Variants in SLC12A7 observed in about 807,000 individuals in gnomAD.
The protein encoded by SLC12A7 is K-Cl cotransporter 4.
In SLC12A7, 100 loss-of-function variants were observed where a neutral mutation model predicts 120.6. The observed-to-expected ratio is 0.83, with a 90% CI of 0.71 to 0.98. SLC12A7 has a LOEUF of 0.98. Ranked by LOEUF, SLC12A7 falls within the 50% of genes least tolerant of loss-of-function variation. The pLI is 0.00. For synonymous variants in SLC12A7, 760 were observed against 678.0 expected (o/e 1.12, Z -1.88); for missense variants, 1,373 against 1,548.1 (o/e 0.89, Z 1.90).
At chr5:1,054,809 T>C (rs988115080) in intron 22 of SLC12A7, among the ~76,000 whole-genome samples, 2 of 152,232 alleles carry the variant, frequency 1.3e-5, no homozygotes, top group Non-Finnish European at 2.9e-5. Flanking sequence ...GGGAGAGACC[T>C]TCTATCTTCT....
At chr5:1,079,637 G>A (rs1359954533) in intron 9 of SLC12A7, 141 bp from the exon 10 acceptor site, 14 of 682,086 alleles carry the variant, frequency 2.1e-5, no homozygotes, top group Admixed American at 1.7e-4. Flanking sequence ...TCCAAGCTCC[G>A]CCAGCCCACG....
chr5:1,094,073 T>C, intron 2 of SLC12A7, 81 bp downstream of exon 2: 1 of 1,156,216 alleles, frequency 8.6e-7, no homozygotes, highest in Non-Finnish European at 1.3e-6. Context: ...GGCCCCGGCC[T>C]GGGGGCCCCC....
At chr5:1,117,395 A>T in the SLC12A7 span, among the ~76,000 whole-genome samples, 1 of 152,190 alleles carries the variant, frequency 6.6e-6, no homozygotes, top group Non-Finnish European at 1.5e-5. The surrounding 1 kb of genome is among the most constrained non-coding windows in gnomAD (Gnocchi z 4.5). Context: ...CGTAGGCTGA[A>T]CTAACTTTGG....
chr5:1,123,622 G>A, the SLC12A7 span, among the ~76,000 whole-genome samples: 7 of 152,264 alleles, frequency 4.6e-5, no homozygotes, highest in African/African-American at 1.7e-4. Context: ...ACAGAAGTGG[G>A]CGTTCCCCGC....
the SLC12A7 span, among the ~76,000 whole-genome samples, chr5:1,136,102 G>A: frequency 1.3e-5 from 2 of 152,176 alleles, no homozygotes; most frequent in Non-Finnish European, 2.9e-5. Context: ...AGGTTCAGAG[G>A]CCATGGAAGA....
At chr5:1,138,257 C>T in the SLC12A7 span, among the ~76,000 whole-genome samples, 1 of 152,160 alleles carries the variant, frequency 6.6e-6, no homozygotes, top group South Asian at 2.1e-4. Context: ...CCACTGCCGG[C>T]GGGGTGGGGC....
chr5:1,073,618 C>T lies in SLC12A7; in HGVS notation c.2241+15G>A, dbSNP rs1579355393. The T allele has an allele frequency of 1.3e-6, 2 of 1,594,458 alleles. No homozygotes were observed. Among genetic ancestry groups the T allele is most frequent in the Non-Finnish European group, 1.7e-6 (2 of 1,172,568 alleles). Reference sequence around the variant, plus strand: ...GTGGGAAAGAGGCCTGGCCCCCAGACCCCGCCCGGCCCACCTCCTCGGCCC... The same window carrying T: ...GTGGGAAAGAGGCCTGGCCCCCAGATCCCGCCCGGCCCACCTCCTCGGCCC... On this transcript the variant is annotated intron_variant, in intron 17 of 23. Transcript: ENST00000264930.
In SLC12A7 at chr5:1,082,052, G is replaced by A. The variant is rs372190762; in HGVS notation, c.1130-308C>T. ...TCCAGGCTTCCCGTCTCGGGTTCTG[G>A]AAAGCCTGGGCTTCCCATCTTGGGT... On this transcript the variant is annotated intron_variant, in intron 8 of 23. Coordinates refer to ENST00000264930, the MANE Select transcript of SLC12A7 (RefSeq NM_006598.3). 1.4e-3 allele frequency among the ~76,000 whole-genome samples: 88 copies of A among 64,508 alleles called. 2 individuals are homozygous for A. Among genetic ancestry groups the A allele is most frequent in the African/African-American group, 7.3e-3 (85 of 11,630 alleles). 42.3% of individuals were successfully genotyped at this position (64,508 alleles called of 152,430 possible).
At chr5:1,055,712 GTGTGCC>G (rs1430943692) in intron 22 of SLC12A7, among the ~76,000 whole-genome samples, 1 of 152,234 alleles carries the variant, frequency 6.6e-6, no homozygotes, top group Non-Finnish European at 1.5e-5. Context: ...CCCCGAGTGT[GTGTGCC>G]TGTGCATGTG....
chr5:1,085,903 C>G (rs1000820436), intron 6 of SLC12A7, among the ~76,000 whole-genome samples: 1 of 152,242 alleles, frequency 6.6e-6, no homozygotes, highest in Non-Finnish European at 1.5e-5. Context: ...CCCGGCTGGA[C>G]GTCCTGGACA....
At chr5:1,145,182 G>A in the SLC12A7 span, among the ~76,000 whole-genome samples, 5 of 152,258 alleles carry the variant, frequency 3.3e-5, no homozygotes, top group Non-Finnish European at 7.3e-5. This position sits in a 1 kb window ranked among gnomAD's most constrained non-coding sequence, Gnocchi z 4.4. Context: ...TGGGTGTGGG[G>A]TCTCTGGAGA....
At chr5:1,113,202 G>A (rs151132412), upstream of SLC12A7, among the ~76,000 whole-genome samples, 67 of 152,354 alleles carry the variant, frequency 4.4e-4, no homozygotes, top group African/African-American at 1.5e-3. Flanking sequence ...CACAACTGCT[G>A]TACGACAACA....
the SLC12A7 span, among the ~76,000 whole-genome samples, chr5:1,131,777 T>C: frequency 0.2 from 30,467 of 152,210 alleles, 3,275 homozygotes; most frequent in Middle Eastern, 0.24. Flanking sequence ...AAGGGGCTCC[T>C]TTTGTGGCCT....
intron 3 of SLC12A7, among the ~76,000 whole-genome samples, chr5:1,090,142 C>T (rs114324292): frequency 6.4e-4 from 98 of 152,234 alleles, no homozygotes; most frequent in African/African-American, 2.3e-3. Context: ...GAACAGGGGA[C>T]CAGGTGAGGG....
At chr5:1,091,925 G>C (rs73028884) in intron 3 of SLC12A7, among the ~76,000 whole-genome samples, 3,488 of 137,822 alleles carry the variant, frequency 0.025, 115 homozygotes, top group African/African-American at 0.092. Context: ...CTACAGACAG[G>C]GGGGGCGGCC....
At chr5:1,108,393 T>C in intron 1 of SLC12A7, among the ~76,000 whole-genome samples, 1 of 152,204 alleles carries the variant, frequency 6.6e-6, no homozygotes, top group East Asian at 1.9e-4. Context: ...AAAATGCATG[T>C]CTTGTAGCCT....
At chr5:1,095,073 C>G (rs112034864) in intron 1 of SLC12A7, among the ~76,000 whole-genome samples, 49,064 of 135,940 alleles carry the variant, frequency 0.36, 10,794 homozygotes, top group Non-Finnish European at 0.49. Flanking sequence ...AGGTGGGGCC[C>G]GTAGGAGGTG....
chr5:1,060,275 G>A lies in SLC12A7; in HGVS notation c.2847+69C>T, dbSNP rs1736046245. 3.3e-6 allele frequency: 4 copies of A among 1,224,938 alleles called. No individual in the cohort carries two copies. The African/African-American group carries it at 5.9e-5, about 18-fold the overall frequency. The allele number at this position is 1,224,938 out of a possible 1,614,324, so 75.9% of individuals were successfully genotyped here. On this transcript the variant is annotated intron_variant, in intron 21 of 23. Transcript: ENST00000264930. ...CCTCGTGGGCTGCAGGAGGGTCCCA[G>A]AAAAGACTCGGCGAAGTCGGCTATA...
At chr5:1,060,560 C>T in intron 20 of SLC12A7, 109 bp from the exon 21 acceptor site, 2 of 804,356 alleles carry the variant, frequency 2.5e-6, no homozygotes, top group Admixed American at 2.2e-5. Flanking sequence ...TGGGAAAGGC[C>T]ACGCGTCCCG....
Sources: gnomAD v4.1 joint callset for allele counts (sites outside exome capture counted in the v4.1 genomes callset) on GRCh38, gnomAD v4.1.1 for gene constraint, Gnocchi (gnomAD v3.1) non-coding constraint, MANE v1.5 for transcripts, NCBI Gene and HGNC (gene_info 2026-07-23, HGNC 2026-07-21) for gene names.